MGAT4C: variants seen among roughly 807,000 people sequenced by gnomAD.
The protein encoded by MGAT4C is alpha-1,3-mannosyl-glycoprotein 4-beta-N-acetylglucosaminyltransferase C.
Under a neutral mutation model 40.1 loss-of-function variants are expected in MGAT4C, and 19 were observed. The ratio of observed to expected loss-of-function variants is 0.47; its 90% confidence interval spans 0.33 to 0.70. MGAT4C has a LOEUF of 0.70. Ranked by LOEUF, MGAT4C falls within the 30% of genes least tolerant of loss-of-function variation. The pLI is 0.02. For missense variants in MGAT4C, 491 were observed against 563.2 expected, an observed-to-expected ratio of 0.87 and a Z score of 1.30; for synonymous variants, 181 against 187.1, an observed-to-expected ratio of 0.97 and a Z score of 0.27.
At chr12:86,077,666 A>G (rs1039593771) in intron 1 of MGAT4C, among the ~76,000 whole-genome samples, 3 of 152,172 alleles carry the variant, frequency 2.0e-5, no homozygotes, top group African/African-American at 4.8e-5. Flanking sequence ...TGATGGAGTG[A>G]CCCAAACCTT....
At chr12:86,302,532 G>A (rs1376781384) in intron 4 of MGAT4C, among the ~76,000 whole-genome samples, 1 of 150,346 alleles carries the variant, frequency 6.7e-6, no homozygotes, top group Non-Finnish European at 1.5e-5. Flanking sequence ...GGGCTAAAGC[G>A]ATTCTCCTGC....
At chr12:86,050,811 A>G (rs1222731327) in intron 1 of MGAT4C, among the ~76,000 whole-genome samples, 1 of 152,002 alleles carries the variant, frequency 6.6e-6, no homozygotes, top group Non-Finnish European at 1.5e-5. Context: ...ATTTTGAAAC[A>G]GTAGTAGGTA....
At chr12:86,276,121 A>AT (rs1953076176) in intron 4 of MGAT4C, among the ~76,000 whole-genome samples, 1 of 151,632 alleles carries the variant, frequency 6.6e-6, no homozygotes, top group Non-Finnish European at 1.5e-5. Context: ...CCGTCAAAAA[A>AT]AAAAAAGAAA....
chr12:86,138,133 T>C (rs953023546), intron 1 of MGAT4C, among the ~76,000 whole-genome samples: 1 of 152,086 alleles, frequency 6.6e-6, no homozygotes, highest in Non-Finnish European at 1.5e-5. Context: ...CACTCTATCC[T>C]GTTTCCTTTA....
At chr12:86,417,161 A>T (rs974268700) in intron 3 of MGAT4C, among the ~76,000 whole-genome samples, 1 of 151,350 alleles carries the variant, frequency 6.6e-6, no homozygotes, top group Non-Finnish European at 1.5e-5. Context: ...ATAGTTGAAT[A>T]TTTTTTTTTC....
chr12:86,768,289 A>C (rs1488900708), intron 1 of MGAT4C, among the ~76,000 whole-genome samples: 2 of 152,324 alleles, frequency 1.3e-5, no homozygotes, highest in South Asian at 2.1e-4. Flanking sequence ...AGAATAAAAT[A>C]CTTAGGAATC....
intron 2 of MGAT4C, among the ~76,000 whole-genome samples, chr12:86,710,718 GAA>G (rs1950541661): frequency 6.6e-6 from 1 of 152,108 alleles, no homozygotes; most frequent in African/African-American, 2.4e-5. Context: ...GTCATTATAT[GAA>G]AAAGACACAT....
At chr12:86,400,595 T>C (rs1465522549) in intron 3 of MGAT4C, among the ~76,000 whole-genome samples, 1 of 152,238 alleles carries the variant, frequency 6.6e-6, no homozygotes, top group Non-Finnish European at 1.5e-5. Context: ...CCTGGTGCCA[T>C]CTTTGAACTG....
intron 4 of MGAT4C, among the ~76,000 whole-genome samples, chr12:86,327,909 A>C (rs1954563787): frequency 6.6e-6 from 1 of 151,750 alleles, no homozygotes; most frequent in Non-Finnish European, 1.5e-5. Context: ...CTTAAGGTTT[A>C]TTTTTTTTCA....
intron 1 of MGAT4C, among the ~76,000 whole-genome samples, chr12:86,738,035 C>T (rs1951012767): frequency 6.6e-6 from 1 of 151,520 alleles, no homozygotes; most frequent in Admixed American, 6.6e-5. Context: ...TCACTGTTTT[C>T]CTTTTCAAAG....
At chr12:86,560,963 C>A (rs1959834008) in intron 2 of MGAT4C, among the ~76,000 whole-genome samples, 1 of 152,040 alleles carries the variant, frequency 6.6e-6, no homozygotes, top group Non-Finnish European at 1.5e-5. Context: ...TTTCAGGATA[C>A]AAAACCAACA....
At chr12:86,172,358 G>A (rs1415586769) in intron 1 of MGAT4C, among the ~76,000 whole-genome samples, 1 of 152,064 alleles carries the variant, frequency 6.6e-6, no homozygotes, top group African/African-American at 2.4e-5. Context: ...CTTGTTCAGT[G>A]TTAACCCGAT....
At chr12:86,211,243 C>T (rs367909988) in intron 1 of MGAT4C, among the ~76,000 whole-genome samples, 35 of 144,958 alleles carry the variant, frequency 2.4e-4, no homozygotes, top group African/African-American at 8.0e-4. Flanking sequence ...CATGGCATAT[C>T]CTAACAAGGG....
At chr12:86,508,836 T>G (rs1293964494) in intron 2 of MGAT4C, among the ~76,000 whole-genome samples, 1 of 150,292 alleles carries the variant, frequency 6.7e-6, no homozygotes, top group East Asian at 2.0e-4. Flanking sequence ...TTCATGTGTT[T>G]TTTGGCTGCA....
intron 3 of MGAT4C, among the ~76,000 whole-genome samples, chr12:86,366,356 T>C (rs2081290476): frequency 6.6e-6 from 1 of 152,232 alleles, no homozygotes; most frequent in Non-Finnish European, 1.5e-5. Flanking sequence ...CGTCTTTTCC[T>C]ATTTGTATGC....
At chr12:86,491,593 C>T (rs1313568680) in intron 2 of MGAT4C, among the ~76,000 whole-genome samples, 4 of 152,032 alleles carry the variant, frequency 2.6e-5, no homozygotes, top group African/African-American at 9.7e-5. Context: ...CAAAATTCAA[C>T]AACGCTTCAT....
intron 1 of MGAT4C, among the ~76,000 whole-genome samples, chr12:86,775,257 A>G (rs184107986): frequency 6.6e-6 from 1 of 152,218 alleles, no homozygotes; most frequent in East Asian, 1.9e-4. Flanking sequence ...CCTACTGAAC[A>G]TAGTATAAAA....
chr12:86,479,011 C>A (rs142844326), intron 2 of MGAT4C, among the ~76,000 whole-genome samples: 31 of 152,098 alleles, frequency 2.0e-4, no homozygotes, highest in African/African-American at 6.7e-4. Flanking sequence ...GACTTTTTTA[C>A]ACCACATTGT....
intron 2 of MGAT4C, among the ~76,000 whole-genome samples, chr12:85,993,010 A>G (rs1022636094): frequency 9.2e-5 from 14 of 152,112 alleles, no homozygotes; most frequent in Non-Finnish European, 1.5e-5. Flanking sequence ...CAGCCTAAAA[A>G]TCTTCGTTTT....
Sources: allele counts gnomAD v4.1 joint callset (sites outside exome capture counted in the v4.1 genomes callset), GRCh38; gene constraint gnomAD v4.1.1; transcripts MANE v1.5; gene names NCBI Gene and HGNC (gene_info 2026-07-23, HGNC 2026-07-21).